UHRF2: variants seen among roughly 807,000 people sequenced by gnomAD.
The protein encoded by UHRF2 is ubiquitin like with PHD and ring finger domains 2.
UHRF2 carries 23 observed loss-of-function variants against 96.8 expected under a neutral mutation model. The ratio of observed to expected loss-of-function variants is 0.24; its 90% CI spans 0.17 to 0.34. UHRF2 has a LOEUF of 0.34. UHRF2 is among the 10% of genes least tolerant of loss of function. UHRF2 has a pLI of 1.00. For missense variants in UHRF2, 685 were observed against 981.5 expected (o/e 0.70, Z 4.04); for synonymous variants, 385 against 332.6 (o/e 1.16, Z -1.72).
intron 6 of UHRF2, among the ~76,000 whole-genome samples, chr9:6,479,054 A>C (rs1273504682): frequency 6.6e-6 from 1 of 152,110 alleles, no homozygotes; most frequent in Non-Finnish European, 1.5e-5. Flanking sequence ...CGTTGCCATT[A>C]CTAGATCATT....
intron 9 of UHRF2, 113 bp from the exon 10 acceptor site, chr9:6,493,713 A>G (rs1051916393): frequency 1.1e-6 from 1 of 906,464 alleles, no homozygotes. Context: ...GAGATGCCTC[A>G]AGAGAAAATG....
intron 3 of UHRF2, among the ~76,000 whole-genome samples, chr9:6,439,389 G>A (rs913953475): frequency 2.0e-5 from 3 of 152,172 alleles, no homozygotes; most frequent in Non-Finnish European, 4.4e-5. Context: ...GGCCAGGTTG[G>A]TCTTGAACTC....
intron 2 of UHRF2, among the ~76,000 whole-genome samples, chr9:6,421,574 G>C (rs1199697516): frequency 6.6e-6 from 1 of 151,966 alleles, no homozygotes; most frequent in African/African-American, 2.4e-5. Flanking sequence ...GCACCACCAC[G>C]CCCGGCTAAT....
intron 2 of UHRF2, among the ~76,000 whole-genome samples, chr9:6,424,307 T>G (rs564329182): frequency 6.6e-6 from 1 of 152,278 alleles, no homozygotes; most frequent in South Asian, 2.1e-4. Context: ...AAATTTGCAA[T>G]AACAAAAGGT....
chr9:6,452,394 T>G (rs1821928293), intron 3 of UHRF2, among the ~76,000 whole-genome samples: 2 of 152,208 alleles, frequency 1.3e-5, no homozygotes, highest in Non-Finnish European at 2.9e-5. Context: ...AAATACCACT[T>G]TGTATTTGTC....
At chr9:6,443,029 G>C (rs978450613) in intron 3 of UHRF2, among the ~76,000 whole-genome samples, 2 of 152,068 alleles carry the variant, frequency 1.3e-5, no homozygotes, top group African/African-American at 4.8e-5. Flanking sequence ...ATAACTTTTA[G>C]CTGATTTCTA....
At chr9:6,452,170 T>G (rs997223678) in intron 3 of UHRF2, among the ~76,000 whole-genome samples, 1 of 152,208 alleles carries the variant, frequency 6.6e-6, no homozygotes, top group Non-Finnish European at 1.5e-5. Context: ...TTCTATTATG[T>G]ACCTGTATTA....
chr9:6,487,359 T>C (rs1587865852), intron 9 of UHRF2, among the ~76,000 whole-genome samples: 1 of 151,996 alleles, frequency 6.6e-6, no homozygotes, highest in South Asian at 2.1e-4. Context: ...TGGCTAATTT[T>C]TGTATTTTTA....
intron 3 of UHRF2, among the ~76,000 whole-genome samples, chr9:6,440,521 G>A (rs1240450806): frequency 6.6e-6 from 1 of 152,072 alleles, no homozygotes; most frequent in South Asian, 2.1e-4. Flanking sequence ...GCTGTCAGAG[G>A]TCAACATTTT....
At chr9:6,492,386 C>A in intron 9 of UHRF2, 1 of 1,139,196 alleles carries the variant, frequency 8.8e-7, no homozygotes. Context: ...AAGAAGTATT[C>A]TAAACTGTTC....
Position 6,506,373 on chromosome 9 carries a change from G to C in UHRF2, c.*194G>C. On this transcript the variant is annotated 3_prime_UTR_variant, in exon 16 of 16. Coordinates refer to ENST00000276893, the MANE Select transcript of UHRF2 (RefSeq NM_152896.3). Reference sequence around the variant, plus strand: ...TCAACTGTCTTTTAAATATCTAAAGGTAGTTCCTGTAACAACTAGTTTTAA... The same window carrying C: ...TCAACTGTCTTTTAAATATCTAAAGCTAGTTCCTGTAACAACTAGTTTTAA... The C allele has an allele frequency of 1.7e-6, 1 of 584,500 alleles. No individual in the cohort carries two copies. Among genetic ancestry groups the C allele is most frequent in the Non-Finnish European group, 2.7e-6 (1 of 365,644 alleles). 36.2% of individuals were successfully genotyped at this position (584,500 alleles called of 1,614,324 possible).
At chr9:6,433,177 A>C (rs1412344395) in intron 2 of UHRF2, among the ~76,000 whole-genome samples, 1 of 152,044 alleles carries the variant, frequency 6.6e-6, no homozygotes, top group Non-Finnish European at 1.5e-5. Flanking sequence ...TTGTTTTTTA[A>C]ACCTTTCATT....
intron 15 of UHRF2, 42 bp from the exon 16 acceptor site, chr9:6,505,991 T>C: frequency 5.0e-6 from 8 of 1,611,142 alleles, no homozygotes; most frequent in Non-Finnish European, 6.8e-6. Flanking sequence ...ACTTACATGC[T>C]TTATGCTCAG....
intron 1 of UHRF2, among the ~76,000 whole-genome samples, chr9:6,414,422 T>C (rs1464281843): frequency 1.3e-5 from 2 of 152,234 alleles, no homozygotes; most frequent in Admixed American, 1.3e-4. Flanking sequence ...GTTCACGCTT[T>C]AAGCATAGCA....
At chr9:6,483,266 A>C (rs1401392727) in intron 8 of UHRF2, among the ~76,000 whole-genome samples, 1 of 147,642 alleles carries the variant, frequency 6.8e-6, no homozygotes. Flanking sequence ...CAGAGGTTGC[A>C]GTGAGCCGAG....
chr9:6,456,174 G>A (rs1330699220), intron 3 of UHRF2, among the ~76,000 whole-genome samples: 1 of 152,036 alleles, frequency 6.6e-6, no homozygotes, highest in Non-Finnish European at 1.5e-5. Flanking sequence ...TAGAGAGCTG[G>A]CTACATGTAA....
At chr9:6,461,032 T>C (rs1822504433) in intron 4 of UHRF2, among the ~76,000 whole-genome samples, 1 of 152,192 alleles carries the variant, frequency 6.6e-6, no homozygotes, top group South Asian at 2.1e-4. Flanking sequence ...ACTGAGTGTT[T>C]TATTACAGAA....
chr9:6,485,822 A>AC (rs1476217449), intron 8 of UHRF2, among the ~76,000 whole-genome samples: 15 of 148,398 alleles, frequency 1.0e-4, no homozygotes, highest in Admixed American at 2.7e-4. Context: ...AAAAAAAAAA[A>AC]AAAAAACAAA....
At chr9:6,468,818 A>G (rs1823038847) in intron 4 of UHRF2, 1 of 394,622 alleles carries the variant, frequency 2.5e-6, no homozygotes, top group Non-Finnish European at 5.1e-6. Flanking sequence ...TGGATGGCTA[A>G]GGCATACAGG....
Sources: gnomAD v4.1 joint callset for allele counts (sites outside exome capture counted in the v4.1 genomes callset) on GRCh38, gnomAD v4.1.1 for gene constraint, MANE v1.5 for transcripts, NCBI Gene and HGNC (gene_info 2026-07-23, HGNC 2026-07-21) for gene names.